Variants in STAT5B observed in about 807,000 individuals in gnomAD.
The protein encoded by STAT5B is signal transducer and activator of transcription 5B.
A neutral mutation model predicts 107.8 loss-of-function variants in STAT5B; 21 were observed. That is an observed-to-expected ratio of 0.19 (90% confidence interval 0.14 to 0.28). STAT5B has a LOEUF of 0.28. Ranked by LOEUF, STAT5B falls within the 10% of genes least tolerant of loss-of-function variation. The pLI is 1.00. For synonymous variants in STAT5B, 325 were observed against 401.7 expected, an observed-to-expected ratio of 0.81 and a Z score of 2.28; for missense variants, 565 against 1,008.2, an observed-to-expected ratio of 0.56 and a Z score of 5.95.
At position 42,201,393 on chromosome 17, in the gene STAT5B, A is replaced by G; in HGVS notation, c.*345T>C. On this transcript the variant is annotated 3_prime_UTR_variant, in exon 19 of 19. Coordinates refer to ENST00000293328, the MANE Select transcript of STAT5B (RefSeq NM_012448.4). ...CAGCCACTCTTAAGACACATGGCCA[A>G]CTTCCAGGCTTCACGAAACTCACTG... 1 of 595,820 alleles carries G rather than the reference A, an allele frequency of 1.7e-6. No individual in the cohort carries two copies. Among genetic ancestry groups the G allele is most frequent in the Non-Finnish European group, 3.0e-6 (1 of 334,596 alleles). The allele number at this position is 595,820 out of a possible 1,614,324, so 36.9% of individuals were successfully genotyped here.
intron 13 of STAT5B, 100 bp from the exon 14 acceptor site, chr17:42,210,597 A>G: frequency 9.0e-7 from 1 of 1,115,444 alleles, no homozygotes; most frequent in South Asian, 1.3e-5. Context: ...ACAAACATCT[A>G]CCCTTGTCAG....
Position 42,228,552 on chromosome 17 carries a change from A to G in STAT5B, c.129-867T>C, listed in dbSNP as rs117685258. Among the ~76,000 whole-genome samples the G allele has an allele frequency of 2.4e-3, 363 of 152,322 alleles. 14 individuals are homozygous for G. In the East Asian group the frequency reaches 0.065, roughly 27 times the overall value. On this transcript the variant is annotated intron_variant, in intron 2 of 18. Transcript: ENST00000293328. ...CTGACTGGGTCTGGAGCCAAACAAG[A>G]TAGTGGTAGCTAAAAGGCTCTGCCA...
chr17:42,286,730 A>G, the STAT5B span, among the ~76,000 whole-genome samples: 1 of 152,174 alleles, frequency 6.6e-6, no homozygotes, highest in African/African-American at 2.4e-5. Flanking sequence ...ATCTGCTCCC[A>G]TCAACTGACT....
intron 7 of STAT5B, 66 bp downstream of exon 7, chr17:42,219,246 C>T (rs547797650): frequency 7.8e-5 from 123 of 1,566,934 alleles, no homozygotes; most frequent in East Asian, 5.1e-4. Context: ...CAGCACAGGA[C>T]GCAGAAGCAG....
intron 1 of STAT5B, among the ~76,000 whole-genome samples, chr17:42,254,511 G>C (rs2080525295): frequency 6.6e-6 from 1 of 151,120 alleles, no homozygotes; most frequent in South Asian, 2.1e-4. Flanking sequence ...CAACAAGTTA[G>C]TTTCTGTCCT....
Position 42,219,356 on chromosome 17 carries a change from C to T in STAT5B, c.789G>A (p.Gly263=), listed in dbSNP as rs753400820. ...IQWKRRQQLA[G]NGGPPEGSLD... The stretch of plus-strand genomic sequence containing the variant: ...GGCTGCCCTCGGGGGGCCCGCCGTT[C>T]CCGGCCAGCTGCTGCCGCCGCTTCC... The change falls in exon 7 of 19, where the codon GGG becomes GGA. Residue 263 remains glycine, a synonymous_variant. Coordinates refer to ENST00000293328, the MANE Select transcript of STAT5B (RefSeq NM_012448.4). 4.7e-5 allele frequency: 70 copies of T among 1,484,294 alleles called. 1 individual carries two copies. In the East Asian group the frequency reaches 1.7e-3, roughly 36 times the overall value. 91.9% of individuals were successfully genotyped at this position (1,484,294 alleles called of 1,614,324 possible).
At chr17:42,236,586 C>A (rs1303321776) in intron 1 of STAT5B, among the ~76,000 whole-genome samples, 3 of 152,170 alleles carry the variant, frequency 2.0e-5, no homozygotes, top group Admixed American at 1.3e-4. Flanking sequence ...GGACTACAGG[C>A]ACTCACCACC....
chr17:42,249,264 G>T (rs992096376), intron 1 of STAT5B, among the ~76,000 whole-genome samples: 2 of 152,022 alleles, frequency 1.3e-5, no homozygotes, highest in Non-Finnish European at 2.9e-5. Context: ...GTGGTGGCGC[G>T]TGACTGTAAT....
intron 2 of STAT5B, among the ~76,000 whole-genome samples, chr17:42,231,420 C>A (rs1403709224): frequency 3.9e-5 from 6 of 152,102 alleles, no homozygotes; most frequent in Non-Finnish European, 8.8e-5. Flanking sequence ...TGGGTTACAG[C>A]AACCTTTGCC....
At chr17:42,240,314 A>G (rs1291587619) in intron 1 of STAT5B, among the ~76,000 whole-genome samples, 1 of 152,274 alleles carries the variant, frequency 6.6e-6, no homozygotes, top group Non-Finnish European at 1.5e-5. Flanking sequence ...TATTATGCAG[A>G]TGTTAAAAAG....
intron 1 of STAT5B, among the ~76,000 whole-genome samples, chr17:42,261,234 GATT>G (rs1347812085): frequency 6.6e-6 from 1 of 152,024 alleles, no homozygotes; most frequent in Non-Finnish European, 1.5e-5. Context: ...AATTAAACGA[GATT>G]ATCATGTTTT....
intron 13 of STAT5B, among the ~76,000 whole-genome samples, chr17:42,211,755 A>G (rs190669338): frequency 1.4e-4 from 22 of 152,356 alleles, no homozygotes; most frequent in African/African-American, 4.8e-4. Flanking sequence ...ACAAAGGAAG[A>G]AAATGCATTA....
At position 42,201,117 on chromosome 17, in the gene STAT5B, T is replaced by C. The variant is rs568985190; in HGVS notation, c.*621A>G. On this transcript the variant is annotated 3_prime_UTR_variant, in exon 19 of 19. Coordinates refer to ENST00000293328, the MANE Select transcript of STAT5B (RefSeq NM_012448.4). ...GAAAAGCCACCGCCCATCCGAAAGC[T>C]TGTGACTTCCCTTGCCCCAACAATC... The C allele has an allele frequency of 7.4e-6, 3 of 405,606 alleles. No individual in the cohort carries two copies. Among genetic ancestry groups the C allele is most frequent in the South Asian group, 1.2e-4 (1 of 8,594 alleles). 25.1% of individuals were successfully genotyped at this position (405,606 alleles called of 1,614,324 possible).
intron 1 of STAT5B, among the ~76,000 whole-genome samples, chr17:42,265,996 C>T (rs1221434124): frequency 1.3e-5 from 2 of 151,970 alleles, no homozygotes; most frequent in Non-Finnish European, 2.9e-5. Flanking sequence ...AATGCTTTGT[C>T]ATATATATTA....
intron 1 of STAT5B, among the ~76,000 whole-genome samples, chr17:42,262,926 A>ATGTGTGTG (rs1417326548): frequency 6.7e-5 from 6 of 89,132 alleles, no homozygotes; most frequent in African/African-American, 2.4e-4. Flanking sequence ...ATGTGTGTAT[A>ATGTGTGTG]TATATATGTA....
chr17:42,249,667 AT>A (rs903791612), intron 1 of STAT5B, among the ~76,000 whole-genome samples: 23 of 147,812 alleles, frequency 1.6e-4, no homozygotes, highest in South Asian at 2.1e-4. Flanking sequence ...AGAAAATATA[AT>A]TTTTTTTTTT....
intron 3 of STAT5B, among the ~76,000 whole-genome samples, chr17:42,225,659 C>G (rs112243943): frequency 6.6e-6 from 1 of 152,148 alleles, no homozygotes; most frequent in African/African-American, 2.4e-5. Flanking sequence ...CTTTAAACCA[C>G]CTATAGATTG....
At chr17:42,214,382 T>G in intron 12 of STAT5B, 1 of 985,246 alleles carries the variant, frequency 1.0e-6, no homozygotes, top group African/African-American at 1.7e-5. Context: ...AAAAGGAGCT[T>G]CTGATTCAGA....
At chr17:42,219,962 C>G in intron 5 of STAT5B, 120 bp from the exon 6 acceptor site, 1 of 1,507,190 alleles carries the variant, frequency 6.6e-7, no homozygotes, top group South Asian at 1.3e-5. Flanking sequence ...GCATTAAGGG[C>G]AAGTCGGGGT....
Sources: allele counts gnomAD v4.1 joint callset (sites outside exome capture counted in the v4.1 genomes callset), GRCh38; gene constraint gnomAD v4.1.1; transcripts MANE v1.5; gene names NCBI Gene and HGNC (gene_info 2026-07-23, HGNC 2026-07-21).